Variants in SLC45A2 observed in about 807,000 individuals in gnomAD.
SLC45A2 encodes the protein membrane-associated transporter protein.
A neutral mutation model predicts 45.5 loss-of-function variants in SLC45A2; 36 were observed. The ratio of observed to expected loss-of-function variants is 0.79; its 90% CI spans 0.61 to 1.04. SLC45A2 has a LOEUF of 1.04. Among genes scored for constraint, SLC45A2 ranks in the 50% least tolerant of loss-of-function variants. The probability of loss-of-function intolerance (pLI) is 0.00; values close to 1 mark genes in which losing one functional copy is unlikely to be tolerated. For synonymous variants in SLC45A2, 306 were observed against 269.3 expected (o/e 1.14, Z -1.33); for missense variants, 719 against 671.0 (o/e 1.07, Z -0.79).
intron 3 of SLC45A2, among the ~76,000 whole-genome samples, chr5:33,958,555 T>C (rs958837217): frequency 1.3e-5 from 2 of 152,312 alleles, no homozygotes; most frequent in Non-Finnish European, 1.5e-5. Context: ...CTCTCTCTGT[T>C]GCTTTGACAA....
chr5:33,951,031 C>T (rs1316333509), intron 5 of SLC45A2, among the ~76,000 whole-genome samples: 1 of 152,166 alleles, frequency 6.6e-6, no homozygotes, highest in Non-Finnish European at 1.5e-5. Context: ...GGTTAAGAGG[C>T]TCAGAAAAGC....
chr5:33,949,767 C>T (rs1267701935), intron 5 of SLC45A2, among the ~76,000 whole-genome samples: 1 of 151,368 alleles, frequency 6.6e-6, no homozygotes, highest in African/African-American at 2.4e-5. Context: ...CTAGAAGGGA[C>T]CTAAAAATAA....
rs1411730857 is a variant in SLC45A2, at chr5:33,954,439, G to C, written c.954C>G (p.Arg318=). The change falls in exon 4 of 7, where the codon CGC becomes CGG. Residue 318 remains arginine (R), a synonymous_variant. Transcript: ENST00000296589. ...RALVNMPPHY[R]YLCISHLIGW... ...CAATGAGGTGGCTGATGCAAAGGTA[G>C]CGGTAGTGAGGAGGCATGTTCACCA... 6.2e-7 allele frequency: 1 copy of C among 1,614,106 alleles called. No individual in the cohort carries two copies.
Position 33,982,218 on chromosome 5 carries a change from T to C in SLC45A2, c.562+18A>G. 6.2e-7 allele frequency: 1 copy of C among 1,613,716 alleles called. No individual in the cohort carries two copies. The highest frequency in any genetic ancestry group is 8.5e-7 in the Non-Finnish European group (1 of 1,179,774). On this transcript the variant is annotated intron_variant, in intron 2 of 6. Coordinates refer to ENST00000296589, the MANE Select transcript of SLC45A2 (RefSeq NM_016180.5). ...TGTCTGGGGAGCTGAAGGAGAGACT[T>C]TCTGGAATATTCCCTACCTGTGAAG...
In SLC45A2 at chr5:33,947,019, T is replaced by G. The variant is rs537595056; in HGVS notation, c.1368+144A>C. On this transcript the variant is annotated intron_variant, in intron 6 of 6. Coordinates refer to ENST00000296589, the MANE Select transcript of SLC45A2 (RefSeq NM_016180.5). ...TGGTGAGCATGCCTGTACCAGATCA[T>G]GGTTGCAGTTGGTTGGGCATTTGAC... The G allele has an allele frequency of 3.8e-6, 6 of 1,595,708 alleles. No homozygotes were observed. The East Asian group carries it at 1.1e-4, about 30-fold the overall frequency.
rs530738094 is a variant in SLC45A2 at position 33,947,275 on chromosome 5, G to A, written c.1256C>T (p.Pro419Leu). The stretch of plus-strand genomic sequence containing the variant: ...CAGGACCAGGGTGGAGTAGACATTC[G>A]GGAAGAGCCCAATAAATCCCGTCCC... ...GLGTGFIGLF[P>L]NVYSTLVLCS... The change falls in exon 6 of 7, where the codon CCG becomes CTG. Residue 419 changes from proline (P) to leucine (L), a missense_variant. By Grantham distance (98) the Pro-to-Leu change is moderately conservative. Transcript: ENST00000296589. 3.2e-5 allele frequency: 52 copies of A among 1,614,158 alleles called. No individual in the cohort carries two copies. The highest frequency in any genetic ancestry group is 3.7e-5 in the Non-Finnish European group (44 of 1,180,042).
chr5:33,951,537 G>A lies in SLC45A2; in HGVS notation c.1156+17C>T, dbSNP rs1752095550. On this transcript the variant is annotated intron_variant, in intron 5 of 6. Coordinates refer to ENST00000296589, the MANE Select transcript of SLC45A2 (RefSeq NM_016180.5). ...AGAAACTTTTAGAAGACATCCTTAG[G>A]AGAGAGAAAGACTTACAAGAATAAA... 1.2e-6 allele frequency: 2 copies of A among 1,613,758 alleles called. No individual in the cohort carries two copies. Among genetic ancestry groups the A allele is most frequent in the Admixed American group, 1.7e-5 (1 of 60,002 alleles).
At position 33,963,745 on chromosome 5, in the gene SLC45A2, G is replaced by T. The variant is rs116887602; in HGVS notation, c.834C>A (p.Tyr278Ter). Residue 278 changes from tyrosine to a stop codon, truncating the protein, a stop_gained, in exon 3 of 7, where the codon TAC becomes TAA. Coordinates refer to ENST00000296589, the MANE Select transcript of SLC45A2 (RefSeq NM_016180.5). LOFTEE classifies it high-confidence loss of function. ...YGSIEKVKNG[Y>*]VNPELAMQGA... Reference sequence around the variant, plus strand: ...CCTGCATTGCCAGCTCTGGATTTACGTAACCATTTTTAACTTTCTCGATAG... The same window carrying T: ...CCTGCATTGCCAGCTCTGGATTTACTTAACCATTTTTAACTTTCTCGATAG... 6.2e-7 allele frequency: 1 copy of T among 1,614,066 alleles called. No individual in the cohort carries two copies. The highest frequency in any genetic ancestry group is 1.7e-5 in the Admixed American group (1 of 60,022).
At chr5:33,962,455 C>T (rs796370012) in intron 3 of SLC45A2, among the ~76,000 whole-genome samples, 9 of 152,314 alleles carry the variant, frequency 5.9e-5, no homozygotes, top group African/African-American at 2.2e-4. Context: ...AAGAAGTTGA[C>T]CTCACAGGAA....
chr5:33,981,708 T>C (rs1159135800), intron 2 of SLC45A2, among the ~76,000 whole-genome samples: 1 of 152,238 alleles, frequency 6.6e-6, no homozygotes, highest in Admixed American at 6.5e-5. Flanking sequence ...ACCTTTTACA[T>C]AACTAAGAAA....
In SLC45A2 at chr5:33,951,607, T is replaced by A. The variant is rs1248209909; in HGVS notation, c.1103A>T (p.Glu368Val). Reference sequence around the variant, plus strand: ...GATGCACAAGCCCCAACATCCAACCTCGACTCCTCTTTCGTAGATGAGAAA... The same window carrying A: ...GATGCACAAGCCCCAACATCCAACCACGACTCCTCTTTCGTAGATGAGAAA... ...TEFLIYERGV[E>V]VGCWGLCINS... The change falls in exon 5 of 7, where the codon GAG becomes GTG. Residue 368 changes from glutamate (E) to valine (V), a missense_variant. Coordinates refer to ENST00000296589, the MANE Select transcript of SLC45A2 (RefSeq NM_016180.5). The A allele has an allele frequency of 1.2e-6, 2 of 1,614,028 alleles. No individual in the cohort carries two copies. The highest frequency in any genetic ancestry group is 1.7e-6 in the Non-Finnish European group (2 of 1,180,010).
chr5:33,981,307 A>G (rs923009796), intron 2 of SLC45A2, among the ~76,000 whole-genome samples: 56 of 152,348 alleles, frequency 3.7e-4, no homozygotes, highest in African/African-American at 1.3e-3. Context: ...AGTGGCTTCC[A>G]TGGGCAGGCA....
At chr5:33,976,127 T>A (rs1414970614) in intron 2 of SLC45A2, among the ~76,000 whole-genome samples, 2 of 152,190 alleles carry the variant, frequency 1.3e-5, no homozygotes, top group Admixed American at 1.3e-4. Flanking sequence ...TTGTGGGCGT[T>A]AGTGACTTGC....
At chr5:33,961,590 C>T (rs1292748766) in intron 3 of SLC45A2, among the ~76,000 whole-genome samples, 1 of 152,176 alleles carries the variant, frequency 6.6e-6, no homozygotes, top group Admixed American at 6.5e-5. Flanking sequence ...TTCCATAACG[C>T]TTTTCTCCAT....
At chr5:33,945,001 T>C in intron 6 of SLC45A2, 129 bp from the exon 7 acceptor site, 2 of 841,068 alleles carry the variant, frequency 2.4e-6, no homozygotes, top group East Asian at 2.6e-5. Context: ...ACAGCCCTGG[T>C]CATAACTACT....
intron 2 of SLC45A2, among the ~76,000 whole-genome samples, chr5:33,977,643 T>G (rs1467469102): frequency 6.6e-6 from 1 of 152,214 alleles, no homozygotes; most frequent in African/African-American, 2.4e-5. Context: ...CTCCTTCATT[T>G]GTCCCATTGG....
chr5:33,964,727 A>T (rs1219653452), intron 2 of SLC45A2, among the ~76,000 whole-genome samples: 1 of 152,186 alleles, frequency 6.6e-6, no homozygotes, highest in African/African-American at 2.4e-5. Flanking sequence ...GTGTCACTTG[A>T]GGGATACTGA....
intron 2 of SLC45A2, among the ~76,000 whole-genome samples, chr5:33,967,379 C>T (rs866590555): frequency 7.2e-5 from 11 of 152,160 alleles, no homozygotes; most frequent in African/African-American, 1.4e-4. Flanking sequence ...TTAATGTGCA[C>T]GCAAATCATG....
chr5:33,983,231 C>T (rs1477186698), intron 1 of SLC45A2, among the ~76,000 whole-genome samples: 2 of 152,210 alleles, frequency 1.3e-5, no homozygotes, highest in African/African-American at 2.4e-5. Context: ...TCTACGGATA[C>T]GCTGTAATCG....
Sources: allele counts gnomAD v4.1 joint callset (sites outside exome capture counted in the v4.1 genomes callset), GRCh38; gene constraint gnomAD v4.1.1; transcripts MANE v1.5; gene names NCBI Gene and HGNC (gene_info 2026-07-23, HGNC 2026-07-21).